The following PTPRG variants were observed in gnomAD, a reference collection of about 807,000 sequenced individuals.
PTPRG encodes protein tyrosine phosphatase receptor type G.
PTPRG carries 102 observed loss-of-function variants against 165.3 expected under a neutral mutation model. That is an observed-to-expected ratio of 0.62 (90% CI 0.53 to 0.73). The LOEUF (loss-of-function observed/expected upper bound fraction) is 0.73, where lower values mean the gene tolerates loss of function less well. Among genes scored for constraint, PTPRG ranks in the 30% least tolerant of loss-of-function variants. The pLI, the probability that PTPRG is intolerant of heterozygous loss-of-function variation, is 0.00. For synonymous variants in PTPRG, 675 were observed against 669.5 expected (o/e 1.01, Z -0.13); for missense variants, 1,866 against 1,861.4 (o/e 1.00, Z -0.05).
rs1700026391 is a variant in PTPRG at position 62,198,655 on chromosome 3, A to G, written c.1328-2850A>G. Among the ~76,000 whole-genome samples the G allele has an allele frequency of 2.6e-5, 4 of 152,356 alleles. 1 individual carries two copies. The South Asian group carries it at 8.3e-4, about 32-fold the overall frequency. ...TCAAAATATTTTAAACACATTTGGG[A>G]TATAATAATATATGTGCTTTTTAAA... On this transcript the variant is annotated intron_variant, in intron 10 of 29. Transcript: ENST00000474889.
At chr3:62,072,804 G>A (rs1701254042) in intron 4 of PTPRG, among the ~76,000 whole-genome samples, 1 of 152,098 alleles carries the variant, frequency 6.6e-6, no homozygotes, top group Admixed American at 6.5e-5. Context: ...TTTTCTTAAA[G>A]AATCAAACCC....
chr3:62,157,288 G>A, intron 7 of PTPRG, 64 bp downstream of exon 7: 1 of 1,535,354 alleles, frequency 6.5e-7, no homozygotes, highest in South Asian at 1.2e-5. Flanking sequence ...TAACGATCCA[G>A]CATGGCTAGA....
At chr3:62,122,069 C>G (rs938567090) in intron 5 of PTPRG, among the ~76,000 whole-genome samples, 28 of 152,162 alleles carry the variant, frequency 1.8e-4, no homozygotes, top group African/African-American at 6.8e-4. Context: ...TGCCTCTTCC[C>G]AGAAAGGAAT....
At chr3:62,104,214 A>G (rs1365225258) in intron 5 of PTPRG, among the ~76,000 whole-genome samples, 7 of 152,138 alleles carry the variant, frequency 4.6e-5, no homozygotes, top group Non-Finnish European at 7.4e-5. Flanking sequence ...GGACACTATT[A>G]TGGTACTATT....
intron 2 of PTPRG, among the ~76,000 whole-genome samples, chr3:61,800,644 C>G (rs2107168275): frequency 6.7e-6 from 1 of 149,350 alleles, no homozygotes; most frequent in East Asian, 2.0e-4. Context: ...GGGGACAGAA[C>G]TGTGCACGGT....
In PTPRG at chr3:61,629,183, C is replaced by G. The variant is rs577203338; in HGVS notation, c.85+66811C>G. Among the ~76,000 whole-genome samples, 7 of 152,250 alleles carry G rather than the reference C, an allele frequency of 4.6e-5. 1 individual carries two copies. The East Asian group carries it at 1.3e-3, about 29-fold the overall frequency. On this transcript the variant is annotated intron_variant, in intron 1 of 29. Transcript: ENST00000474889. ...TTTATTTTTTATTTTGAGATGGAGT[C>G]TTGCTCTGTCATCCAGGCTGGAGTG...
intron 2 of PTPRG, among the ~76,000 whole-genome samples, chr3:61,979,203 T>G (rs1367158634): frequency 6.6e-6 from 1 of 152,236 alleles, no homozygotes; most frequent in Non-Finnish European, 1.5e-5. Flanking sequence ...GGTTGATTAT[T>G]GATTTTTCCT....
intron 1 of PTPRG, among the ~76,000 whole-genome samples, chr3:61,643,773 A>G (rs1702126474): frequency 6.6e-6 from 1 of 152,096 alleles, no homozygotes; most frequent in Non-Finnish European, 1.5e-5. Context: ...CAAAAAAAAA[A>G]ACAAAAAAGC....
At chr3:61,850,540 T>A (rs1440487871) in intron 2 of PTPRG, among the ~76,000 whole-genome samples, 1 of 152,228 alleles carries the variant, frequency 6.6e-6, no homozygotes, top group Non-Finnish European at 1.5e-5. Flanking sequence ...TTCATACTTT[T>A]AAAAAATGTG....
intron 4 of PTPRG, among the ~76,000 whole-genome samples, chr3:62,019,935 T>G (rs1559750336): frequency 6.6e-6 from 1 of 152,192 alleles, no homozygotes; most frequent in Non-Finnish European, 1.5e-5. Context: ...TATCTCTATT[T>G]TTCAGATAAA....
intron 2 of PTPRG, among the ~76,000 whole-genome samples, chr3:61,777,036 T>C (rs1460416548): frequency 6.6e-6 from 1 of 152,192 alleles, no homozygotes; most frequent in Admixed American, 6.5e-5. Context: ...TTCCTGGGCC[T>C]AGATCAGTAC....
intron 1 of PTPRG, among the ~76,000 whole-genome samples, chr3:61,694,021 A>AAT (rs1559560187): frequency 6.7e-6 from 1 of 148,340 alleles, no homozygotes; most frequent in Non-Finnish European, 1.5e-5. Flanking sequence ...AAAAAAAAAA[A>AAT]AAAAAGAGAG....
In PTPRG at chr3:61,896,852, T is replaced by A. The variant is rs116876736; in HGVS notation, c.191-92773T>A. ...AACAACTTTTCCCATGCTTATTTGC[T>A]ATCTGTATGTCGTCTTTGGTGAACT... On this transcript the variant is annotated intron_variant, in intron 2 of 29. Transcript: ENST00000474889. 8.2e-4 allele frequency among the ~76,000 whole-genome samples: 125 copies of A among 152,300 alleles called. 3 individuals carry two copies. The East Asian group carries it at 0.022, about 27-fold the overall frequency.
At chr3:62,097,474 C>T (rs1002492405) in intron 5 of PTPRG, among the ~76,000 whole-genome samples, 2 of 151,516 alleles carry the variant, frequency 1.3e-5, no homozygotes, top group African/African-American at 4.9e-5. Context: ...TCAACATGCT[C>T]GTGTGACAGG....
intron 5 of PTPRG, among the ~76,000 whole-genome samples, chr3:62,092,092 ACACACACACACACACACACACAC>A (rs1701953940): frequency 8.4e-6 from 1 of 118,922 alleles, no homozygotes; most frequent in Admixed American, 8.0e-5. Flanking sequence ...ACACACACAC[ACACACACACACACACACACACAC>A]ACACACACAC....
At chr3:61,994,989 G>A (rs1050779823) in intron 3 of PTPRG, among the ~76,000 whole-genome samples, 1 of 151,694 alleles carries the variant, frequency 6.6e-6, no homozygotes, top group Non-Finnish European at 1.5e-5. Context: ...AGACAAGGAT[G>A]TGTGAGCCTT....
chr3:61,990,968 T>C (rs2040873816), intron 3 of PTPRG, among the ~76,000 whole-genome samples: 1 of 152,020 alleles, frequency 6.6e-6, no homozygotes, highest in Admixed American at 6.6e-5. Context: ...TTTCTTTCTT[T>C]CTCCAAACCA....
chr3:61,839,323 T>A (rs1163202769), intron 2 of PTPRG, among the ~76,000 whole-genome samples: 2 of 152,228 alleles, frequency 1.3e-5, no homozygotes, highest in East Asian at 3.8e-4. Flanking sequence ...AATCTTATTT[T>A]AGATGCACAG....
At chr3:61,616,604 T>A (rs1296197394) in intron 1 of PTPRG, among the ~76,000 whole-genome samples, 1 of 152,158 alleles carries the variant, frequency 6.6e-6, no homozygotes, top group East Asian at 1.9e-4. Flanking sequence ...CCCTGCCATA[T>A]AGACACCCTC....
Sources: gnomAD v4.1 joint callset for allele counts (sites outside exome capture counted in the v4.1 genomes callset) on GRCh38, gnomAD v4.1.1 for gene constraint, MANE v1.5 for transcripts, NCBI Gene and HGNC (gene_info 2026-07-23, HGNC 2026-07-21) for gene names.